The following ENTREP2 variants were observed in gnomAD, a reference collection of about 807,000 sequenced individuals.
ENTREP2 encodes protein ENTREP2.
At chr15:29,171,507 G>C in the ENTREP2 span, among the ~76,000 whole-genome samples, 1 of 152,098 alleles carries the variant, frequency 6.6e-6, no homozygotes, top group Non-Finnish European at 1.5e-5. Flanking sequence ...AGCTGCAGGA[G>C]GTCCTGTCTC....
chr15:29,136,587 G>A, the ENTREP2 span: 33 of 1,420,550 alleles, frequency 2.3e-5, no homozygotes, highest in East Asian at 1.6e-4. Context: ...GAGCAGGGGC[G>A]GCCAGGGCTT....
At chr15:29,667,556 T>C in the ENTREP2 span, among the ~76,000 whole-genome samples, 2 of 137,486 alleles carry the variant, frequency 1.5e-5, no homozygotes, top group African/African-American at 5.6e-5. Context: ...CAATGGCGTG[T>C]GGTCTCAGCT....
chr15:29,379,859 G>C, the ENTREP2 span, among the ~76,000 whole-genome samples: 3 of 152,152 alleles, frequency 2.0e-5, no homozygotes, highest in Non-Finnish European at 4.4e-5. Flanking sequence ...CTCTGCGGAA[G>C]GCGGCTTTTC....
At chr15:29,443,854 C>T in the ENTREP2 span, among the ~76,000 whole-genome samples, 1 of 152,024 alleles carries the variant, frequency 6.6e-6, no homozygotes, top group Non-Finnish European at 1.5e-5. Context: ...CCTGTAATCC[C>T]AGCACTTTGG....
At chr15:29,187,233 A>G in the ENTREP2 span, among the ~76,000 whole-genome samples, 3 of 152,128 alleles carry the variant, frequency 2.0e-5, no homozygotes, top group Non-Finnish European at 4.4e-5. Flanking sequence ...GTGAAAACAC[A>G]ACATATTACA....
chr15:29,195,296 G>C, the ENTREP2 span: 72 of 985,228 alleles, frequency 7.3e-5, no homozygotes, highest in African/African-American at 1.1e-3. Flanking sequence ...CTCTCTCTCT[G>C]TACATCTTTG....
the ENTREP2 span, among the ~76,000 whole-genome samples, chr15:29,402,251 AATATAT>A: frequency 8.9e-6 from 1 of 111,824 alleles, no homozygotes; most frequent in Non-Finnish European, 2.0e-5. Context: ...ATTATAGAAG[AATATAT>A]ATATATATAC....
the ENTREP2 span, among the ~76,000 whole-genome samples, chr15:29,501,388 C>T: frequency 6.6e-6 from 1 of 151,954 alleles, no homozygotes; most frequent in African/African-American, 2.4e-5. Context: ...AATTTATCAA[C>T]ATAATAAAGC....
chr15:29,434,767 T>C, the ENTREP2 span, among the ~76,000 whole-genome samples: 47 of 152,130 alleles, frequency 3.1e-4, no homozygotes, highest in Admixed American at 1.5e-3. Flanking sequence ...GCGGTGGCAG[T>C]GCACATGGAG....
the ENTREP2 span, among the ~76,000 whole-genome samples, chr15:29,222,377 A>C: frequency 2.6e-5 from 4 of 152,206 alleles, no homozygotes; most frequent in Non-Finnish European, 4.4e-5. Context: ...ATGGGCAACC[A>C]GCATCCCTTA....
At chr15:29,158,353 G>A in the ENTREP2 span, among the ~76,000 whole-genome samples, 10 of 149,926 alleles carry the variant, frequency 6.7e-5, no homozygotes, top group African/African-American at 2.5e-4. Context: ...CTGGTATTGC[G>A]TTTATGTGTT....
At chr15:29,550,303 C>T in the ENTREP2 span, among the ~76,000 whole-genome samples, 1 of 152,158 alleles carries the variant, frequency 6.6e-6, no homozygotes, top group Non-Finnish European at 1.5e-5. Flanking sequence ...AAAGCAAGTG[C>T]ATATTAAAAC....
At chr15:29,423,591 T>A in the ENTREP2 span, among the ~76,000 whole-genome samples, 1 of 147,852 alleles carries the variant, frequency 6.8e-6, no homozygotes, top group African/African-American at 2.5e-5. Flanking sequence ...ATCGAGACCA[T>A]CCTGGCTACC....
the ENTREP2 span, among the ~76,000 whole-genome samples, chr15:29,220,121 C>T: frequency 6.6e-6 from 1 of 152,190 alleles, no homozygotes; most frequent in African/African-American, 2.4e-5. Flanking sequence ...CCCTGGCCAC[C>T]TGCCTGATTT....
the ENTREP2 span, among the ~76,000 whole-genome samples, chr15:29,186,300 G>T: frequency 1.3e-5 from 2 of 152,164 alleles, no homozygotes; most frequent in Non-Finnish European, 1.5e-5. Flanking sequence ...AATGTGCTCC[G>T]AACTGTGGGT....
At chr15:29,310,155 A>G in the ENTREP2 span, among the ~76,000 whole-genome samples, 1 of 152,148 alleles carries the variant, frequency 6.6e-6, no homozygotes, top group Non-Finnish European at 1.5e-5. Flanking sequence ...AAGTGGAGAA[A>G]AGGAGATCCT....
At chr15:29,657,137 T>C in the ENTREP2 span, among the ~76,000 whole-genome samples, 1 of 151,798 alleles carries the variant, frequency 6.6e-6, no homozygotes, top group Non-Finnish European at 1.5e-5. Context: ...AAGCTCCGCC[T>C]CCCCCGTTCC....
the ENTREP2 span, among the ~76,000 whole-genome samples, chr15:29,625,397 T>C: frequency 6.6e-6 from 1 of 152,306 alleles, no homozygotes; most frequent in Non-Finnish European, 1.5e-5. Context: ...ACATGCCTAG[T>C]TTGTTGTTCT....
chr15:29,167,951 AG>A, the ENTREP2 span, among the ~76,000 whole-genome samples: 3 of 152,224 alleles, frequency 2.0e-5, no homozygotes. Flanking sequence ...GAGTGGATAA[AG>A]GAACGGTGGT....
Sources: allele counts gnomAD v4.1 joint callset (sites outside exome capture counted in the v4.1 genomes callset), GRCh38; gene constraint gnomAD v4.1.1; transcripts MANE v1.5; gene names NCBI Gene and HGNC (gene_info 2026-07-23, HGNC 2026-07-21).